WDR37: variants seen among roughly 807,000 people sequenced by gnomAD.
The protein encoded by WDR37 is WD repeat domain 37, also known as WD repeat-containing protein 37.
WDR37 carries 19 observed loss-of-function variants against 62.9 expected under a neutral mutation model. The ratio of observed to expected loss-of-function variants is 0.30; its 90% CI spans 0.21 to 0.44. The LOEUF (loss-of-function observed/expected upper bound fraction) is 0.44. Ranked by LOEUF, WDR37 falls within the 20% of genes least tolerant of loss-of-function variation. The pLI is 1.00. For synonymous variants in WDR37, 250 were observed against 260.9 expected (o/e 0.96, Z 0.40); for missense variants, 474 against 657.6 (o/e 0.72, Z 3.05).
At chr10:1,091,702 G>A (rs899075211) in intron 7 of WDR37, among the ~76,000 whole-genome samples, 3 of 152,160 alleles carry the variant, frequency 2.0e-5, no homozygotes, top group Non-Finnish European at 4.4e-5. Flanking sequence ...TTTGCTTTGG[G>A]AACATCCCAG....
chr10:1,059,346 A>G (rs1233690081), intron 1 of WDR37, among the ~76,000 whole-genome samples: 2 of 152,236 alleles, frequency 1.3e-5, no homozygotes, highest in Non-Finnish European at 1.5e-5. Context: ...ACTGCCCTCC[A>G]GCCTGGGGAG....
intron 5 of WDR37, 95 bp downstream of exon 5, chr10:1,080,571 CA>C: frequency 7.2e-7 from 1 of 1,382,316 alleles, no homozygotes; most frequent in Non-Finnish European, 1.0e-6. Flanking sequence ...AAAGGCATAG[CA>C]GAAAAAGATA....
intron 11 of WDR37, among the ~76,000 whole-genome samples, chr10:1,108,716 G>T: frequency 7.1e-6 from 1 of 140,742 alleles, no homozygotes; most frequent in East Asian, 2.1e-4. Context: ...CCCTGTGGTT[G>T]CTTTGGTTTT....
chr10:1,070,629 G>T (rs1185607942), intron 1 of WDR37, among the ~76,000 whole-genome samples: 2 of 151,990 alleles, frequency 1.3e-5, no homozygotes, highest in East Asian at 3.8e-4. Context: ...TTCATCCTTG[G>T]TATTTAGGAT....
chr10:1,116,659 G>A (rs1251098109), intron 11 of WDR37, among the ~76,000 whole-genome samples: 2 of 152,324 alleles, frequency 1.3e-5, no homozygotes, highest in East Asian at 3.9e-4. Context: ...TCTGTCGCCC[G>A]TGACAGCTTT....
At position 1,091,939 on chromosome 10, in the gene WDR37, G is replaced by A. The variant is rs542068375; in HGVS notation, c.605-1513G>A. On this transcript the variant is annotated intron_variant, in intron 7 of 13. Coordinates refer to ENST00000263150, the MANE Select transcript of WDR37 (RefSeq NM_014023.4). Reference sequence around the variant, plus strand: ...CTCACGCCTGTAATCCTAGCACTTTGGGAGGCCGAGACGGGCGGATCACGA... The same window carrying A: ...CTCACGCCTGTAATCCTAGCACTTTAGGAGGCCGAGACGGGCGGATCACGA... Among the ~76,000 whole-genome samples, 388 of 152,168 alleles carry A rather than the reference G, an allele frequency of 2.5e-3. 2 individuals are homozygous for A. Among genetic ancestry groups the A allele is most frequent in the Non-Finnish European group, 3.6e-3 (246 of 67,996 alleles).
In WDR37 at chr10:1,129,694, G is replaced by A. The variant is rs182299636; in HGVS notation, c.*350G>A. The A allele has an allele frequency of 4.2e-4, 75 of 176,532 alleles. No individual in the cohort carries two copies. The East Asian group carries it at 0.011, about 26-fold the overall frequency. The allele number at this position is 176,532 out of a possible 1,614,324, so 10.9% of individuals were successfully genotyped here. A position where few individuals can be genotyped will look rare whatever the true frequency, so the allele number is the denominator to read the frequency against. On this transcript the variant is annotated 3_prime_UTR_variant, in exon 14 of 14. Coordinates refer to ENST00000263150, the MANE Select transcript of WDR37 (RefSeq NM_014023.4). ...AATGTGAACTTCTGTATTACGTTGCGGCGTCGGCAGTCCTGCGTTCCCTGG... is the reference window on the plus strand; with the variant it reads ...AATGTGAACTTCTGTATTACGTTGCAGCGTCGGCAGTCCTGCGTTCCCTGG...
rs1478570681 is a variant in WDR37, at chr10:1,132,045, G to A, written c.*2701G>A. The A allele has an allele frequency of 1.3e-5, 2 of 152,618 alleles. No individual in the cohort carries two copies. The highest frequency in any genetic ancestry group is 2.9e-5 in the Non-Finnish European group (2 of 68,032). The allele number at this position is 152,618 out of a possible 1,614,324, so 9.5% of individuals were successfully genotyped here. On this transcript the variant is annotated 3_prime_UTR_variant, in exon 14 of 14. Coordinates refer to ENST00000263150, the MANE Select transcript of WDR37 (RefSeq NM_014023.4). The stretch of plus-strand genomic sequence containing the variant: ...CATATTTCTTTGGAGGAAAATGTAT[G>A]CATTTATAAGTGTTCCATGGAATCA...
chr10:1,126,461 C>T (rs974445702), intron 13 of WDR37, among the ~76,000 whole-genome samples: 10 of 152,012 alleles, frequency 6.6e-5, no homozygotes, highest in East Asian at 1.9e-4. Flanking sequence ...CAGCCTTGTG[C>T]GTAATGGAGG....
Position 1,103,457 on chromosome 10 carries a change from G to A in WDR37, c.727-145G>A, listed in dbSNP as rs1589110067. 1 of 818,098 alleles carries A rather than the reference G, an allele frequency of 1.2e-6. No homozygotes were observed. The highest frequency in any genetic ancestry group is 1.9e-6 in the Non-Finnish European group (1 of 517,234). The allele number at this position is 818,098 out of a possible 1,614,324, so 50.7% of individuals were successfully genotyped here. A position where few individuals can be genotyped will look rare whatever the true frequency, so the allele number is the denominator to read the frequency against. ...AGAGGAGGACATACTCATCACTGTG[G>A]CCAGCACCAGGCTCCTAGTGGTGAC... On this transcript the variant is annotated intron_variant, in intron 9 of 13. Transcript: ENST00000263150. This position sits in a 1 kb window ranked among gnomAD's most constrained non-coding sequence, Gnocchi z 6.3.
chr10:1,103,494 A>C lies in WDR37; in HGVS notation c.727-108A>C. On this transcript the variant is annotated intron_variant, in intron 9 of 13. Coordinates refer to ENST00000263150, the MANE Select transcript of WDR37 (RefSeq NM_014023.4). The surrounding 1 kb of genome is among the most constrained non-coding windows in gnomAD (Gnocchi z 6.3). ...CTCCTAGTGGTGACCATCATGATGG[A>C]TATGTCCTCAAGAGATTAATGAGAA... The C allele has an allele frequency of 8.5e-7, 1 of 1,182,572 alleles. No individual in the cohort carries two copies. The allele number at this position is 1,182,572 out of a possible 1,614,324, so 73.3% of individuals were successfully genotyped here. A position where few individuals can be genotyped will look rare whatever the true frequency, so the allele number is the denominator to read the frequency against.
At chr10:1,078,059 T>C in intron 3 of WDR37, 56 bp downstream of exon 3, 1 of 1,329,870 alleles carries the variant, frequency 7.5e-7, no homozygotes, top group Non-Finnish European at 1.1e-6. Flanking sequence ...ATAGTCAAAT[T>C]TATGAATAGA....
At chr10:1,095,468 G>C (rs1221416162) in intron 8 of WDR37, among the ~76,000 whole-genome samples, 3 of 152,142 alleles carry the variant, frequency 2.0e-5, no homozygotes, top group Non-Finnish European at 4.4e-5. Flanking sequence ...GATTTGAGGA[G>C]GAGTTGCAAG....
intron 9 of WDR37, among the ~76,000 whole-genome samples, chr10:1,096,990 A>G (rs1834605666): frequency 6.6e-6 from 1 of 152,230 alleles, no homozygotes; most frequent in Non-Finnish European, 1.5e-5. Flanking sequence ...GAGGCGAGGG[A>G]CAGGTCACGG....
chr10:1,124,206 C>T lies in WDR37; in HGVS notation c.1104-12C>T, dbSNP rs374355128. ...CTGCTGTTGCATCTGACTCTGTGCC[C>T]TTTGTTCATAGCACTGTGACTTCTG... On this transcript the variant is annotated splice_polypyrimidine_tract_variant and intron_variant, in intron 11 of 13. Coordinates refer to ENST00000263150, the MANE Select transcript of WDR37 (RefSeq NM_014023.4). 6.2e-6 allele frequency: 10 copies of T among 1,613,960 alleles called. No homozygotes were observed. Among genetic ancestry groups the T allele is most frequent in the Non-Finnish European group, 7.6e-6 (9 of 1,180,000 alleles).
intron 8 of WDR37, among the ~76,000 whole-genome samples, 197 bp downstream of exon 8, chr10:1,093,693 C>A (rs1272943936): frequency 1.3e-5 from 2 of 152,118 alleles, no homozygotes; most frequent in African/African-American, 2.4e-5. Flanking sequence ...AGTGGATAAG[C>A]AGTTGGATTT....
At position 1,129,469 on chromosome 10, in the gene WDR37, T is replaced by C; in HGVS notation, c.*125T>C. On this transcript the variant is annotated 3_prime_UTR_variant, in exon 14 of 14. Transcript: ENST00000263150. ...CCTGGAAAGGGTGCTTTGTATATGTTCTTTTCACATAGTGCCCAGCTTGCA... is the reference window on the plus strand; with the variant it reads ...CCTGGAAAGGGTGCTTTGTATATGTCCTTTTCACATAGTGCCCAGCTTGCA... The C allele has an allele frequency of 1.5e-6, 2 of 1,365,556 alleles. No homozygotes were observed. Among genetic ancestry groups the C allele is most frequent in the Non-Finnish European group, 2.0e-6 (2 of 1,003,982 alleles). 84.6% of individuals were successfully genotyped at this position (1,365,556 alleles called of 1,614,324 possible). A position where few individuals can be genotyped will look rare whatever the true frequency, so the allele number is the denominator to read the frequency against.
At chr10:1,110,860 A>C (rs983035172) in intron 11 of WDR37, among the ~76,000 whole-genome samples, 3 of 152,224 alleles carry the variant, frequency 2.0e-5, no homozygotes, top group African/African-American at 7.2e-5. Flanking sequence ...TGGCACCCTG[A>C]TAGGTGGGAA....
intron 8 of WDR37, among the ~76,000 whole-genome samples, chr10:1,095,444 T>A (rs1008032736): frequency 6.6e-6 from 1 of 151,814 alleles, no homozygotes; most frequent in East Asian, 1.9e-4. Context: ...TAGACTGGGA[T>A]TGGGCATGAT....
Sources: allele counts gnomAD v4.1 joint callset (sites outside exome capture counted in the v4.1 genomes callset), GRCh38; gene constraint gnomAD v4.1.1; non-coding constraint Gnocchi (gnomAD v3.1); transcripts MANE v1.5; gene names NCBI Gene and HGNC (gene_info 2026-07-23, HGNC 2026-07-21).